The following PCDHGA10 variants were observed in gnomAD, a reference collection of about 807,000 sequenced individuals.
PCDHGA10 encodes protocadherin gamma-A10.
Under a neutral mutation model 59.5 loss-of-function variants are expected in PCDHGA10, and 42 were observed. The observed-to-expected ratio is 0.71, with a 90% CI of 0.55 to 0.91. The LOEUF is 0.91. Among genes scored for constraint, PCDHGA10 ranks in the 40% least tolerant of loss-of-function variants. PCDHGA10 has a pLI of 0.00. For missense variants in PCDHGA10, 1,111 were observed against 1,198.2 expected, an observed-to-expected ratio of 0.93 and a Z score of 1.07; for synonymous variants, 511 against 517.2, an observed-to-expected ratio of 0.99 and a Z score of 0.16.
intron 1 of PCDHGA10, chr5:141,427,916 G>T: frequency 1.3e-6 from 2 of 1,578,854 alleles, no homozygotes; most frequent in East Asian, 2.2e-5. Flanking sequence ...GCGCCAACAT[G>T]AGCCGGCGCA....
At chr5:141,430,484 C>T (rs894612928) in intron 1 of PCDHGA10, 2 of 256,238 alleles carry the variant, frequency 7.8e-6, no homozygotes, top group African/African-American at 4.4e-5. Context: ...GATATAAAAA[C>T]GAAATATCCT....
Position 141,493,836 on chromosome 5 carries a change from A to G in PCDHGA10, c.2437-971A>G, listed in dbSNP as rs1411929024. Among the ~76,000 whole-genome samples the G allele has an allele frequency of 6.6e-6, 1 of 152,194 alleles. No individual in the cohort carries two copies. Among genetic ancestry groups the G allele is most frequent in the Non-Finnish European group, 1.5e-5 (1 of 68,038 alleles). On this transcript the variant is annotated intron_variant, in intron 1 of 3. Transcript: ENST00000398610. This position sits in a 1 kb window ranked among gnomAD's most constrained non-coding sequence, Gnocchi z 4.3. ...ACACTCTCTGCTTCTGGGAGCAAGT[A>G]TGAGTATTAATTACCAGCCCACCCC...
In PCDHGA10 at chr5:141,490,506, C is replaced by T. The variant is rs967095367; in HGVS notation, c.2437-4301C>T. ...GGGAGGCCACATCCCACTATATCAT[C>T]GAGCTGCTGGCCAGCGATGCTGGTT... is the stretch of plus-strand genomic sequence containing the variant. On this transcript the variant is annotated intron_variant, in intron 1 of 3. Transcript: ENST00000398610. This position sits in a 1 kb window ranked among gnomAD's most constrained non-coding sequence, Gnocchi z 5.4. The T allele has an allele frequency of 1.2e-5, 19 of 1,614,116 alleles. No homozygotes were observed. The highest frequency in any genetic ancestry group is 2.2e-5 in the South Asian group (2 of 91,088).
chr5:141,489,458 G>A lies in PCDHGA10; in HGVS notation c.2437-5349G>A, dbSNP rs143138320. 3.5e-5 allele frequency: 56 copies of A among 1,614,042 alleles called. No homozygotes were observed. The highest frequency in any genetic ancestry group is 8.0e-5 in the African/African-American group (6 of 75,052). ...CAATTGGGCTCTGAGGAGAATGGGC[G>A]CTATTTTTCCCTGAGCTTGATGAGT... is the stretch of plus-strand genomic sequence containing the variant. On this transcript the variant is annotated intron_variant, in intron 1 of 3. Transcript: ENST00000398610. This position sits in a 1 kb window ranked among gnomAD's most constrained non-coding sequence, Gnocchi z 4.5.
Position 141,432,289 on chromosome 5 carries a change from C to T in PCDHGA10, c.2436+16678C>T, listed in dbSNP as rs762278053. ...CGTCCTACGTGTCCATCAACTCCGACACTGGGGTACTGTATGCGCTGAGCT... is the reference window on the plus strand; with the variant it reads ...CGTCCTACGTGTCCATCAACTCCGATACTGGGGTACTGTATGCGCTGAGCT... On this transcript the variant is annotated intron_variant, in intron 1 of 3. Coordinates refer to ENST00000398610, the MANE Select transcript of PCDHGA10 (RefSeq NM_018913.3). The surrounding 1 kb of genome is among the most constrained non-coding windows in gnomAD (Gnocchi z 6.0). The T allele has an allele frequency of 6.2e-7, 1 of 1,614,266 alleles. No homozygotes were observed. Among genetic ancestry groups the T allele is most frequent in the Admixed American group, 1.7e-5 (1 of 60,038 alleles).
intron 1 of PCDHGA10, chr5:141,416,850 T>C (rs2096064812): frequency 6.6e-6 from 1 of 151,902 alleles, no homozygotes; most frequent in South Asian, 2.1e-4. Flanking sequence ...AATTCCATGA[T>C]TTTTTTCAGG....
At chr5:141,420,687 G>T (rs2096517632) in intron 1 of PCDHGA10, among the ~76,000 whole-genome samples, 1 of 152,182 alleles carries the variant, frequency 6.6e-6, no homozygotes, top group South Asian at 2.1e-4. Flanking sequence ...TATCGGGACC[G>T]TATTATTTCC....
chr5:141,477,582 A>T lies in PCDHGA10; in HGVS notation c.2437-17225A>T, dbSNP rs567486170. The T allele has an allele frequency of 6.2e-7, 1 of 1,614,190 alleles. No individual in the cohort carries two copies. The highest frequency in any genetic ancestry group is 2.2e-5 in the East Asian group (1 of 44,888). ...GTCTGGGACCCCGACGCCCCGCAGA[A>T]TGCTCGGCTTTCTTTCTTTCTCTTG... On this transcript the variant is annotated intron_variant, in intron 1 of 3. Transcript: ENST00000398610. The surrounding 1 kb of genome is among the most constrained non-coding windows in gnomAD (Gnocchi z 4.9).
chr5:141,487,675 A>G lies in PCDHGA10; in HGVS notation c.2437-7132A>G, dbSNP rs752606441. ...GTTATTCTGATCCAGGCATATGGCT[A>G]GGCCATGTCCTAGAGAGTACTGGCC... On this transcript the variant is annotated intron_variant, in intron 1 of 3. Transcript: ENST00000398610. This position sits in a 1 kb window ranked among gnomAD's most constrained non-coding sequence, Gnocchi z 5.0. 22 of 1,611,038 alleles carry G rather than the reference A, an allele frequency of 1.4e-5. No individual in the cohort carries two copies. Among genetic ancestry groups the G allele is most frequent in the Non-Finnish European group, 1.7e-5 (20 of 1,178,458 alleles).
intron 2 of PCDHGA10, among the ~76,000 whole-genome samples, chr5:141,500,184 T>TTTTTTTTA (rs1554186429): frequency 7.8e-4 from 106 of 135,966 alleles, no homozygotes; most frequent in African/African-American, 2.4e-3. Context: ...TCATTTTTAT[T>TTTTTTTTA]TTTATTTATT....
rs750164473 is a variant in PCDHGA10 at position 141,432,286 on chromosome 5, C to G, written c.2436+16675C>G. Reference sequence around the variant, plus strand: ...TATCGTCCTACGTGTCCATCAACTCCGACACTGGGGTACTGTATGCGCTGA... The same window carrying G: ...TATCGTCCTACGTGTCCATCAACTCGGACACTGGGGTACTGTATGCGCTGA... On this transcript the variant is annotated intron_variant, in intron 1 of 3. Transcript: ENST00000398610. This position sits in a 1 kb window ranked among gnomAD's most constrained non-coding sequence, Gnocchi z 6.0. The G allele has an allele frequency of 6.2e-7, 1 of 1,614,252 alleles. No homozygotes were observed. The highest frequency in any genetic ancestry group is 1.3e-5 in the African/African-American group (1 of 75,070).
chr5:141,510,995 G>T lies in PCDHGA10; in HGVS notation c.2633G>T (p.Gly878Val). ...STLGGGAGTM[G>V]LSARYGPQFT... is the part of the protein sequence containing the mutation. ...CTGGGAGGGGGTGCCGGCACCATGG[G>T]ATTGAGCGCCCGCTACGGACCCCAG... is the stretch of plus-strand genomic sequence containing the variant. Residue 878 changes from glycine to valine, a missense_variant, in exon 4 of 4, where the codon GGA becomes GTA. Physicochemically the swap from Gly to Val is moderately radical, Grantham distance 109. Coordinates refer to ENST00000398610, the MANE Select transcript of PCDHGA10 (RefSeq NM_018913.3). The T allele has an allele frequency of 6.2e-7, 1 of 1,614,172 alleles. No individual in the cohort carries two copies. Among genetic ancestry groups the T allele is most frequent in the Non-Finnish European group, 8.5e-7 (1 of 1,180,018 alleles).
intron 1 of PCDHGA10, among the ~76,000 whole-genome samples, chr5:141,478,961 C>T (rs887338339): frequency 6.6e-6 from 1 of 152,206 alleles, no homozygotes; most frequent in Non-Finnish European, 1.5e-5. Context: ...CCTCATTCCT[C>T]CACCTTTCAA....
chr5:141,431,023 C>G lies in PCDHGA10; in HGVS notation c.2436+15412C>G. 6.2e-7 allele frequency: 1 copy of G among 1,613,748 alleles called. No homozygotes were observed. Among genetic ancestry groups the G allele is most frequent in the Non-Finnish European group, 8.5e-7 (1 of 1,179,820 alleles). On this transcript the variant is annotated intron_variant, in intron 1 of 3. Transcript: ENST00000398610. This position sits in a 1 kb window ranked among gnomAD's most constrained non-coding sequence, Gnocchi z 4.8. ...GCAGCGGCAGCTTGGTCACGGCGGG[C>G]AGGATAGACCGGGAGGAGCTCTGTA...
Position 141,490,019 on chromosome 5 carries a change from T to C in PCDHGA10, c.2437-4788T>C. 2 of 1,614,272 alleles carry C rather than the reference T, an allele frequency of 1.2e-6. No homozygotes were observed. Among genetic ancestry groups the C allele is most frequent in the East Asian group, 2.2e-5 (1 of 44,886 alleles). ...CCAGAGAATGCACCCATTGGTACTCTGCTGCTCCGCCTCAATGCCACTGAT... is the reference window on the plus strand; with the variant it reads ...CCAGAGAATGCACCCATTGGTACTCCGCTGCTCCGCCTCAATGCCACTGAT... On this transcript the variant is annotated intron_variant, in intron 1 of 3. Coordinates refer to ENST00000398610, the MANE Select transcript of PCDHGA10 (RefSeq NM_018913.3). This position sits in a 1 kb window ranked among gnomAD's most constrained non-coding sequence, Gnocchi z 5.4.
intron 1 of PCDHGA10, chr5:141,422,231 T>A: frequency 3.2e-6 from 5 of 1,566,292 alleles, no homozygotes; most frequent in Non-Finnish European, 4.3e-6. Context: ...ACGACGATGT[T>A]GATCACTGTT....
Position 141,490,440 on chromosome 5 carries a change from T to G in PCDHGA10, c.2437-4367T>G, listed in dbSNP as rs560525159. The G allele has an allele frequency of 6.2e-7, 1 of 1,614,206 alleles. No individual in the cohort carries two copies. The highest frequency in any genetic ancestry group is 1.7e-5 in the Admixed American group (1 of 60,026). On this transcript the variant is annotated intron_variant, in intron 1 of 3. Transcript: ENST00000398610. This position sits in a 1 kb window ranked among gnomAD's most constrained non-coding sequence, Gnocchi z 5.4. ...ACCTGCCATTTCAGATTAAGCCTTCTGAGAACCACTACTCGCTGCTAACCA... is the reference window on the plus strand; with the variant it reads ...ACCTGCCATTTCAGATTAAGCCTTCGGAGAACCACTACTCGCTGCTAACCA...
intron 1 of PCDHGA10, among the ~76,000 whole-genome samples, chr5:141,482,857 A>T (rs2099573663): frequency 6.6e-6 from 1 of 152,140 alleles, no homozygotes; most frequent in Admixed American, 6.5e-5. Flanking sequence ...AGATCACTTG[A>T]GGTCAGGAGT....
At chr5:141,463,583 G>A (rs1444995569) in intron 1 of PCDHGA10, among the ~76,000 whole-genome samples, 1 of 151,598 alleles carries the variant, frequency 6.6e-6, no homozygotes, top group African/African-American at 2.4e-5. Flanking sequence ...CGAGTAGCTG[G>A]GACTACAGGT....
Sources: gnomAD v4.1 joint callset for allele counts (sites outside exome capture counted in the v4.1 genomes callset) on GRCh38, gnomAD v4.1.1 for gene constraint, Gnocchi (gnomAD v3.1) non-coding constraint, MANE v1.5 for transcripts, NCBI Gene and HGNC (gene_info 2026-07-23, HGNC 2026-07-21) for gene names.